Variants in SEPTIN3 observed in about 807,000 individuals in gnomAD.
The protein encoded by SEPTIN3 is neuronal-specific septin-3.
SEPTIN3 carries 15 observed loss-of-function variants against 45.1 expected under a neutral mutation model. The observed-to-expected ratio is 0.33, with a 90% CI of 0.22 to 0.51. SEPTIN3 has a LOEUF of 0.51. Among genes scored for constraint, SEPTIN3 ranks in the 20% least tolerant of loss-of-function variants. SEPTIN3 has a pLI of 0.97. For synonymous variants in SEPTIN3, 148 were observed against 164.8 expected (o/e 0.90, Z 0.78); for missense variants, 289 against 457.2 (o/e 0.63, Z 3.35).
chr22:41,970,509 G>A (rs2077948019), intron 1 of SEPTIN3, among the ~76,000 whole-genome samples: 1 of 152,104 alleles, frequency 6.6e-6, no homozygotes, highest in Non-Finnish European at 1.5e-5. Context: ...TGCCCGAGTG[G>A]CCGTTCCCAC....
intron 8 of SEPTIN3, among the ~76,000 whole-genome samples, 175 bp from the exon 9 acceptor site, chr22:41,992,489 G>A (rs1025494122): frequency 6.6e-6 from 1 of 152,192 alleles, no homozygotes; most frequent in African/African-American, 2.4e-5. Flanking sequence ...AATCTCAGTC[G>A]GGTGCTCTTT....
chr22:41,979,282 G>A (rs919213905), intron 2 of SEPTIN3, among the ~76,000 whole-genome samples: 7 of 152,148 alleles, frequency 4.6e-5, no homozygotes, highest in African/African-American at 1.7e-4. Context: ...AGGCCAGGGC[G>A]GAGCAGGCCA....
chr22:41,974,833 C>T (rs545434703), intron 2 of SEPTIN3, among the ~76,000 whole-genome samples: 8 of 122,398 alleles, frequency 6.5e-5, no homozygotes, highest in African/African-American at 2.2e-4. Flanking sequence ...CCAGCCTGAG[C>T]GACAGAGCGA....
intron 2 of SEPTIN3, among the ~76,000 whole-genome samples, chr22:41,974,860 GAAAA>G (rs55642127): frequency 4.1e-3 from 303 of 74,276 alleles, no homozygotes; most frequent in Admixed American, 7.7e-3. Flanking sequence ...GTCTCAAAAA[GAAAA>G]AAAAAAAAAA....
At chr22:41,996,505 G>A in intron 11 of SEPTIN3, 1 of 1,003,798 alleles carries the variant, frequency 1.0e-6, no homozygotes, top group Non-Finnish European at 1.2e-6. Context: ...AGATTCAATG[G>A]ACCAGGAGAA....
chr22:41,989,753 C>T, intron 7 of SEPTIN3, 69 bp downstream of exon 7: 1 of 995,772 alleles, frequency 1.0e-6, no homozygotes, highest in Non-Finnish European at 1.6e-6. Flanking sequence ...TTCAGGCCAT[C>T]TCCTAGCCCT....
At chr22:41,983,862 C>T (rs748845796) in intron 3 of SEPTIN3, among the ~76,000 whole-genome samples, 1 of 152,210 alleles carries the variant, frequency 6.6e-6, no homozygotes, top group Non-Finnish European at 1.5e-5. Flanking sequence ...GTCACTCTCA[C>T]ACTAAGCAGC....
intron 8 of SEPTIN3, among the ~76,000 whole-genome samples, chr22:41,992,221 C>T (rs1175081441): frequency 1.3e-5 from 2 of 151,930 alleles, no homozygotes; most frequent in Non-Finnish European, 2.9e-5. Context: ...TCTACAAAAC[C>T]TGCAAAAATT....
chr22:41,995,676 A>T, intron 11 of SEPTIN3: 1 of 985,446 alleles, frequency 1.0e-6, no homozygotes, highest in African/African-American at 1.7e-5. Flanking sequence ...TCACAAAACT[A>T]CAGGACAGTA....
At chr22:41,989,126 C>CAAA (rs71184854) in intron 6 of SEPTIN3, among the ~76,000 whole-genome samples, 21 of 88,390 alleles carry the variant, frequency 2.4e-4, no homozygotes, top group Middle Eastern at 0.013. Flanking sequence ...GACCCTGTCT[C>CAAA]AAAAAAAAAA....
chr22:41,978,484 G>A (rs1233734346), intron 2 of SEPTIN3, among the ~76,000 whole-genome samples: 5 of 152,134 alleles, frequency 3.3e-5, no homozygotes, highest in African/African-American at 1.2e-4. Context: ...AGGCTCATAA[G>A]GGTCACCCAG....
At chr22:41,989,728 T>G in intron 7 of SEPTIN3, 44 bp downstream of exon 7, 1 of 1,296,634 alleles carries the variant, frequency 7.7e-7, no homozygotes, top group Non-Finnish European at 1.1e-6. Context: ...CATCCCCTCC[T>G]TTCTCTCCGC....
intron 8 of SEPTIN3, among the ~76,000 whole-genome samples, chr22:41,992,118 G>A (rs1337981438): frequency 6.6e-6 from 1 of 152,114 alleles, no homozygotes; most frequent in Non-Finnish European, 1.5e-5. Flanking sequence ...GGTGACTCAT[G>A]CCTGTATCCC....
chr22:41,987,036 T>C (rs564040451), intron 4 of SEPTIN3, among the ~76,000 whole-genome samples, 170 bp from the exon 5 acceptor site: 18 of 151,866 alleles, frequency 1.2e-4, no homozygotes, highest in African/African-American at 4.3e-4. Context: ...AGATTCCAGG[T>C]ACAGGGAACA....
rs928442592 is a variant in SEPTIN3, at chr22:41,994,152, C to T, written c.2360-138C>T. The T allele has an allele frequency of 2.0e-5, 14 of 702,264 alleles. No individual in the cohort carries two copies. Among genetic ancestry groups the T allele is most frequent in the Non-Finnish European group, 2.9e-5 (12 of 407,936 alleles). 43.5% of individuals were successfully genotyped at this position (702,264 alleles called of 1,614,324 possible). ...CCAGTACACCCAAGTGAGCAAATCT[C>T]TGGAAGGGTTACAAAAAATGACCTG... On this transcript the variant is annotated intron_variant, in intron 9 of 11. Coordinates refer to ENST00000644076, the MANE Select transcript of SEPTIN3 (RefSeq NM_001363845.2). The surrounding 1 kb of genome is among the most constrained non-coding windows in gnomAD (Gnocchi z 4.2).
chr22:41,984,002 A>G (rs960291020), intron 3 of SEPTIN3, among the ~76,000 whole-genome samples: 1 of 152,148 alleles, frequency 6.6e-6, no homozygotes, highest in African/African-American at 2.4e-5. Context: ...GGCAAATCCA[A>G]CACCCGTGAG....
intron 2 of SEPTIN3, among the ~76,000 whole-genome samples, chr22:41,977,674 A>T (rs1200500646): frequency 6.7e-6 from 1 of 150,332 alleles, no homozygotes; most frequent in African/African-American, 2.5e-5. Flanking sequence ...CGGGGGGCTG[A>T]GGAAGATCCA....
chr22:41,995,178 T>C, intron 11 of SEPTIN3: 1 of 1,036,262 alleles, frequency 9.7e-7, no homozygotes, highest in Non-Finnish European at 1.2e-6. Context: ...GCTATAGAGA[T>C]TCTCCAAGGA....
At chr22:41,993,462 C>T (rs2078357918) in intron 9 of SEPTIN3, among the ~76,000 whole-genome samples, 1 of 152,052 alleles carries the variant, frequency 6.6e-6, no homozygotes, top group Admixed American at 6.6e-5. Context: ...GTATCTGGGA[C>T]TACAGGTGCG....
Sources: gnomAD v4.1 joint callset for allele counts (sites outside exome capture counted in the v4.1 genomes callset) on GRCh38, gnomAD v4.1.1 for gene constraint, Gnocchi (gnomAD v3.1) non-coding constraint, MANE v1.5 for transcripts, NCBI Gene and HGNC (gene_info 2026-07-23, HGNC 2026-07-21) for gene names.